Variants in RAB38 observed in about 807,000 individuals in gnomAD.
RAB38 encodes the protein ras-related protein Rab-38.
In RAB38, 15 loss-of-function variants were observed where a neutral mutation model predicts 18.4. The ratio of observed to expected loss-of-function variants is 0.82; its 90% CI spans 0.55 to 1.26. RAB38 has a LOEUF of 1.26. Ranked by LOEUF, RAB38 falls within the 50% of genes most tolerant of loss-of-function variation. RAB38 has a pLI of 0.00. For synonymous variants in RAB38, 101 were observed against 104.4 expected (o/e 0.97, Z 0.20); for missense variants, 294 against 267.4 (o/e 1.10, Z -0.69).
chr11:87,892,493 C>T, the RAB38 span, among the ~76,000 whole-genome samples: 2 of 151,884 alleles, frequency 1.3e-5, no homozygotes, highest in Non-Finnish European at 2.9e-5. Context: ...AGTTAAAATG[C>T]AAATCCAACA....
At chr11:88,094,156 C>T in the RAB38 span, among the ~76,000 whole-genome samples, 24 of 151,970 alleles carry the variant, frequency 1.6e-4, no homozygotes, top group African/African-American at 3.1e-4. Context: ...CATGAACATA[C>T]GCACAACATC....
At chr11:88,018,423 A>T in the RAB38 span, among the ~76,000 whole-genome samples, 1 of 152,030 alleles carries the variant, frequency 6.6e-6, no homozygotes, top group Admixed American at 6.6e-5. Context: ...TTAAAAGAAA[A>T]TCCTCCCTTT....
chr11:87,879,192 T>A, the RAB38 span, among the ~76,000 whole-genome samples: 1 of 151,544 alleles, frequency 6.6e-6, no homozygotes, highest in South Asian at 2.1e-4. Flanking sequence ...ACCAAAACAA[T>A]AAATGGCTTA....
At chr11:87,896,046 G>A in the RAB38 span, among the ~76,000 whole-genome samples, 3 of 151,644 alleles carry the variant, frequency 2.0e-5, no homozygotes, top group South Asian at 6.2e-4. Flanking sequence ...TATTTATTTG[G>A]ATAGATATCA....
At position 88,170,072 on chromosome 11, in the gene RAB38, T is replaced by A. The variant is rs533495923; in HGVS notation, c.202+5111A>T. ...AGCTTTCCTTGGTCAAGCTGCTACT[T>A]GCTTTTCTATCAGAATCAGTCCTCT... On this transcript the variant is annotated intron_variant, in intron 1 of 2. Transcript: ENST00000243662. 5.9e-5 allele frequency among the ~76,000 whole-genome samples: 9 copies of A among 152,300 alleles called. No individual in the cohort carries two copies. The South Asian group carries it at 1.9e-3, about 32-fold the overall frequency.
At chr11:88,064,321 C>T in the RAB38 span, among the ~76,000 whole-genome samples, 1 of 152,228 alleles carries the variant, frequency 6.6e-6, no homozygotes, top group Non-Finnish European at 1.5e-5. Flanking sequence ...ACATTTCCAA[C>T]TCCTCTTCTA....
chr11:88,042,292 G>A, the RAB38 span, among the ~76,000 whole-genome samples: 6 of 152,260 alleles, frequency 3.9e-5, no homozygotes, highest in African/African-American at 7.2e-5. Flanking sequence ...TCGGGCAGCC[G>A]GTTCCTGCAC....
At chr11:88,029,340 G>C in the RAB38 span, among the ~76,000 whole-genome samples, 1 of 150,316 alleles carries the variant, frequency 6.7e-6, no homozygotes, top group East Asian at 1.9e-4. Context: ...AAAATAACCA[G>C]CTAACATCAA....
chr11:87,941,531 C>T, the RAB38 span, among the ~76,000 whole-genome samples: 2 of 151,990 alleles, frequency 1.3e-5, no homozygotes, highest in African/African-American at 4.8e-5. Context: ...TTCTCTTCCT[C>T]ATTGCACCAG....
chr11:87,919,562 T>C, the RAB38 span, among the ~76,000 whole-genome samples: 1 of 151,988 alleles, frequency 6.6e-6, no homozygotes, highest in Non-Finnish European at 1.5e-5. Context: ...TGTAATTTTT[T>C]TTTTCCTTGT....
the RAB38 span, among the ~76,000 whole-genome samples, chr11:87,819,199 T>C: frequency 3.3e-5 from 5 of 152,212 alleles, no homozygotes; most frequent in African/African-American, 7.2e-5. Flanking sequence ...TTTTGAATTT[T>C]GGTATTGCTG....
the RAB38 span, among the ~76,000 whole-genome samples, chr11:87,931,259 C>G: frequency 6.6e-6 from 1 of 152,022 alleles, no homozygotes; most frequent in Non-Finnish European, 1.5e-5. Flanking sequence ...AGAAATAATA[C>G]TAAAAGATAA....
At chr11:88,096,651 A>G in the RAB38 span, among the ~76,000 whole-genome samples, 1 of 151,966 alleles carries the variant, frequency 6.6e-6, no homozygotes, top group Non-Finnish European at 1.5e-5. Flanking sequence ...TTTAACAACA[A>G]AAACAAAGAA....
the RAB38 span, among the ~76,000 whole-genome samples, chr11:87,907,688 A>T: frequency 6.6e-6 from 1 of 151,648 alleles, no homozygotes. Flanking sequence ...ATAGATTTTT[A>T]AAATTAGAAC....
At chr11:88,005,578 T>C in the RAB38 span, among the ~76,000 whole-genome samples, 1 of 145,224 alleles carries the variant, frequency 6.9e-6, no homozygotes, top group Non-Finnish European at 1.6e-5. Context: ...GTCTTTGCTG[T>C]GCAGAAGTTT....
intron 1 of RAB38, among the ~76,000 whole-genome samples, chr11:88,159,396 T>C (rs1943162736): frequency 6.7e-6 from 1 of 149,832 alleles, no homozygotes; most frequent in Admixed American, 6.6e-5. Flanking sequence ...ATTGTTAAAA[T>C]GGCCACACTG....
At chr11:88,096,290 C>T in the RAB38 span, among the ~76,000 whole-genome samples, 1 of 151,814 alleles carries the variant, frequency 6.6e-6, no homozygotes, top group African/African-American at 2.4e-5. Flanking sequence ...CCCTCAGGGC[C>T]TTCACATTTC....
At chr11:87,852,421 A>G in the RAB38 span, among the ~76,000 whole-genome samples, 10,351 of 152,238 alleles carry the variant, frequency 0.068, 516 homozygotes, top group Admixed American at 0.14. Flanking sequence ...TGAAAACATT[A>G]TCAAAGTCAC....
the RAB38 span, among the ~76,000 whole-genome samples, chr11:87,937,351 T>TATATATATAA: frequency 2.7e-5 from 3 of 112,102 alleles, no homozygotes; most frequent in African/African-American, 8.6e-5. Context: ...TATATATATA[T>TATATATATAA]CATAATTCTA....
Sources: gnomAD v4.1 joint callset for allele counts (sites outside exome capture counted in the v4.1 genomes callset) on GRCh38, gnomAD v4.1.1 for gene constraint, MANE v1.5 for transcripts, NCBI Gene and HGNC (gene_info 2026-07-23, HGNC 2026-07-21) for gene names.